The following MTMR7 variants were observed in gnomAD, a reference collection of about 807,000 sequenced individuals.
The protein encoded by MTMR7 is phosphatidylinositol-3-phosphate phosphatase MTMR7.
Under a neutral mutation model 81.2 loss-of-function variants are expected in MTMR7, and 76 were observed. That is an observed-to-expected ratio of 0.94 (90% confidence interval 0.78 to 1.13). The LOEUF (loss-of-function observed/expected upper bound fraction) is 1.13, where lower values mean the gene tolerates loss of function less well. Ranked by LOEUF, MTMR7 falls within the 50% of genes most tolerant of loss-of-function variation. The pLI is 0.00. For missense variants in MTMR7, 1,044 were observed against 820.0 expected, an observed-to-expected ratio of 1.27 and a Z score of -3.34; for synonymous variants, 372 against 289.8, an observed-to-expected ratio of 1.28 and a Z score of -2.88.
intron 3 of MTMR7, among the ~76,000 whole-genome samples, chr8:17,368,686 A>T (rs148236510): frequency 6.6e-6 from 1 of 152,320 alleles, no homozygotes; most frequent in Non-Finnish European, 1.5e-5. Context: ...CAATGCCTTT[A>T]ACATTACACT....
At chr8:17,314,415 C>T (rs543671333) in intron 7 of MTMR7, among the ~76,000 whole-genome samples, 1 of 152,250 alleles carries the variant, frequency 6.6e-6, no homozygotes, top group African/African-American at 2.4e-5. Context: ...GCCTCAATTT[C>T]TTCATTTTTA....
At chr8:17,332,982 G>C (rs1158382511) in intron 6 of MTMR7, among the ~76,000 whole-genome samples, 3 of 152,098 alleles carry the variant, frequency 2.0e-5, no homozygotes, top group Non-Finnish European at 4.4e-5. Flanking sequence ...TTGATACCGA[G>C]AGCATATATG....
chr8:17,380,168 G>A (rs1468784487), intron 1 of MTMR7, among the ~76,000 whole-genome samples: 1 of 152,116 alleles, frequency 6.6e-6, no homozygotes, highest in African/African-American at 2.4e-5. Context: ...GACTTCTGAA[G>A]GTAAGAGAAC....
chr8:17,352,766 T>G (rs953688896), intron 4 of MTMR7, among the ~76,000 whole-genome samples: 2 of 152,222 alleles, frequency 1.3e-5, no homozygotes, highest in East Asian at 3.9e-4. Context: ...TGGCCACTAT[T>G]ACAAAATGAA....
intron 3 of MTMR7, among the ~76,000 whole-genome samples, chr8:17,370,749 AC>A (rs1299733259): frequency 6.6e-6 from 1 of 152,042 alleles, no homozygotes; most frequent in African/African-American, 2.4e-5. Context: ...GAAGTGCATA[AC>A]TTAAAGGCAA....
chr8:17,373,404 A>T (rs1406065705), intron 1 of MTMR7, among the ~76,000 whole-genome samples, 164 bp from the exon 2 acceptor site: 1 of 152,234 alleles, frequency 6.6e-6, no homozygotes, highest in Admixed American at 6.5e-5. Context: ...CGGATCTCAG[A>T]GTAGGATTGT....
At chr8:17,396,435 C>T (rs1167690555) in intron 1 of MTMR7, among the ~76,000 whole-genome samples, 4 of 152,080 alleles carry the variant, frequency 2.6e-5, no homozygotes, top group East Asian at 1.9e-4. Flanking sequence ...TGTGCACTTG[C>T]GGGAAGGAGA....
chr8:17,382,378 C>A (rs1326073766), intron 1 of MTMR7, among the ~76,000 whole-genome samples: 1 of 152,112 alleles, frequency 6.6e-6, no homozygotes, highest in African/African-American at 2.4e-5. Context: ...TTCTTTTTTG[C>A]TTCTCTTGGG....
In MTMR7 at chr8:17,311,524, A is replaced by T; in HGVS notation, c.1088T>A (p.Leu363Gln). The T allele has an allele frequency of 6.2e-7, 1 of 1,614,140 alleles. No homozygotes were observed. The highest frequency in any genetic ancestry group is 8.5e-7 in the Non-Finnish European group (1 of 1,180,016). ...GGCCACACTCACCATGAAGCCCTTC[A>T]GAGTCCGGTAGTGAGGGTCCAGCAG... ...SLLLDPHYRT[L>Q]KGFMVLIEKD... The change falls in exon 9 of 14, where the codon CTG becomes CAG. Residue 363 changes from leucine (L) to glutamine (Q), a missense_variant. By Grantham distance (113) the Leu-to-Gln change is moderately radical (BLOSUM62 -2). Coordinates refer to ENST00000180173, the MANE Select transcript of MTMR7 (RefSeq NM_004686.5).
At chr8:17,305,687 G>T in intron 11 of MTMR7, 70 bp downstream of exon 11, 3 of 1,357,264 alleles carry the variant, frequency 2.2e-6, no homozygotes, top group Non-Finnish European at 3.1e-6. Context: ...ATTATGAAAG[G>T]CCACCTAAAA....
At chr8:17,360,332 C>G (rs1820020633) in intron 4 of MTMR7, among the ~76,000 whole-genome samples, 1 of 151,978 alleles carries the variant, frequency 6.6e-6, no homozygotes, top group South Asian at 2.1e-4. Context: ...GATTTAATAC[C>G]CTTTTGCTCT....
intron 6 of MTMR7, among the ~76,000 whole-genome samples, chr8:17,336,664 C>T (rs1274472284): frequency 6.6e-6 from 1 of 152,230 alleles, no homozygotes; most frequent in Non-Finnish European, 1.5e-5. Context: ...AGCAAAGTCT[C>T]TGGAGAAGGA....
At chr8:17,342,849 G>A (rs1477192920) in intron 5 of MTMR7, among the ~76,000 whole-genome samples, 1 of 152,014 alleles carries the variant, frequency 6.6e-6, no homozygotes, top group Non-Finnish European at 1.5e-5. Flanking sequence ...CCTGACTGGT[G>A]GGGAGGAGAA....
intron 1 of MTMR7, among the ~76,000 whole-genome samples, chr8:17,390,974 A>G (rs1379480101): frequency 2.0e-5 from 3 of 152,210 alleles, no homozygotes; most frequent in African/African-American, 7.2e-5. Context: ...TGCCCAGGGA[A>G]GTCTTCTCTA....
In MTMR7 at chr8:17,300,113, T is replaced by G. The variant is rs1343791381; in HGVS notation, c.1732A>C (p.Thr578Pro). Residue 578 changes from threonine (T) to proline (P), a missense_variant, in exon 14 of 14, where the codon ACT (threonine) becomes CCT (proline). Transcript: ENST00000180173. ...FSTSDNSIANTPQDYSGNMKS... is the reference protein window; with the variant it reads ...FSTSDNSIANPPQDYSGNMKS... Reference sequence around the variant, plus strand: ...ATATTCCCACTGTAATCCTGGGGAGTGTTGGCTATGCTGTTGTCTGAGGTA... The same window carrying G: ...ATATTCCCACTGTAATCCTGGGGAGGGTTGGCTATGCTGTTGTCTGAGGTA... The G allele has an allele frequency of 1.2e-6, 2 of 1,613,794 alleles. No individual in the cohort carries two copies. The highest frequency in any genetic ancestry group is 4.5e-5 in the East Asian group (2 of 44,856).
At position 17,296,840 on chromosome 8, in the gene MTMR7, T is replaced by A. The variant is rs1016656568; in HGVS notation, c.*3022A>T. The A allele has an allele frequency of 6.6e-6, 1 of 152,194 alleles. No homozygotes were observed. Among genetic ancestry groups the A allele is most frequent in the African/African-American group, 2.4e-5 (1 of 41,444 alleles). The allele number at this position is 152,194 out of a possible 1,614,324, so 9.4% of individuals were successfully genotyped here. On this transcript the variant is annotated 3_prime_UTR_variant, in exon 14 of 14. Coordinates refer to ENST00000180173, the MANE Select transcript of MTMR7 (RefSeq NM_004686.5). Reference sequence around the variant, plus strand: ...ATTCTTTAAAGTTGAACTATCCCAGTTTCATTCTATACCATTCATTGGATA... The same window carrying A: ...ATTCTTTAAAGTTGAACTATCCCAGATTCATTCTATACCATTCATTGGATA...
intron 11 of MTMR7, 103 bp downstream of exon 11, chr8:17,305,654 A>T: frequency 3.1e-6 from 3 of 972,014 alleles, no homozygotes; most frequent in Non-Finnish European, 4.6e-6. Flanking sequence ...TAGGTATGTG[A>T]CTAAATGAAA....
chr8:17,325,896 A>G (rs894304117), intron 7 of MTMR7, among the ~76,000 whole-genome samples: 3 of 152,184 alleles, frequency 2.0e-5, no homozygotes, highest in Non-Finnish European at 4.4e-5. Flanking sequence ...CAACGTATCC[A>G]TTTCATTGAG....
At chr8:17,301,121 C>G (rs1817081241) in intron 13 of MTMR7, among the ~76,000 whole-genome samples, 1 of 152,178 alleles carries the variant, frequency 6.6e-6, no homozygotes, top group Non-Finnish European at 1.5e-5. Flanking sequence ...TGTATTCATT[C>G]AAAACCATTC....
Sources: gnomAD v4.1 joint callset for allele counts (sites outside exome capture counted in the v4.1 genomes callset) on GRCh38, gnomAD v4.1.1 for gene constraint, MANE v1.5 for transcripts, NCBI Gene and HGNC (gene_info 2026-07-23, HGNC 2026-07-21) for gene names.